The following DLGAP1 variants were observed in gnomAD, a reference collection of about 807,000 sequenced individuals.
The protein encoded by DLGAP1 is DLG associated protein 1.
DLGAP1 carries 11 observed loss-of-function variants against 90.8 expected under a neutral mutation model. The ratio of observed to expected loss-of-function variants is 0.12; its 90% CI spans 0.08 to 0.20. The LOEUF (loss-of-function observed/expected upper bound fraction) is 0.20. DLGAP1 is among the 10% of genes least tolerant of loss of function. The pLI is 1.00. For synonymous variants in DLGAP1, 558 were observed against 540.7 expected, an observed-to-expected ratio of 1.03 and a Z score of -0.44; for missense variants, 1,050 against 1,333.8, an observed-to-expected ratio of 0.79 and a Z score of 3.31.
intron 2 of DLGAP1, among the ~76,000 whole-genome samples, chr18:4,129,579 G>A (rs1437430479): frequency 6.6e-6 from 1 of 152,128 alleles, no homozygotes; most frequent in Non-Finnish European, 1.5e-5. Context: ...AGACTACAAG[G>A]AACACTGCGA....
At chr18:3,642,319 T>C (rs900374003) in intron 7 of DLGAP1, among the ~76,000 whole-genome samples, 22 of 152,234 alleles carry the variant, frequency 1.4e-4, no homozygotes, top group African/African-American at 4.8e-4. Flanking sequence ...AATGATCCAG[T>C]GAATACTTCC....
At chr18:3,569,021 G>C (rs2054608079) in intron 8 of DLGAP1, among the ~76,000 whole-genome samples, 1 of 150,064 alleles carries the variant, frequency 6.7e-6, no homozygotes, top group Non-Finnish European at 1.5e-5. Context: ...TTTTATTTTT[G>C]AGACAGAGTC....
intron 1 of DLGAP1, among the ~76,000 whole-genome samples, chr18:4,446,281 G>A (rs2083665463): frequency 6.6e-6 from 1 of 152,094 alleles, no homozygotes; most frequent in Admixed American, 6.5e-5. Flanking sequence ...TTGCTCTTTT[G>A]GGGGGCTCCA....
intron 10 of DLGAP1, among the ~76,000 whole-genome samples, chr18:3,525,156 T>G (rs949892208): frequency 6.6e-6 from 1 of 152,082 alleles, no homozygotes; most frequent in African/African-American, 2.4e-5. Context: ...ACTCAGCTAA[T>G]TTTAATTTTT....
At position 3,557,652 on chromosome 18, in the gene DLGAP1, G is replaced by A. The variant is rs572311714; in HGVS notation, c.2057+9838C>T. Among the ~76,000 whole-genome samples the A allele has an allele frequency of 3.3e-5, 5 of 152,290 alleles. No homozygotes were observed. In the South Asian group the frequency reaches 1.0e-3, roughly 32 times the overall value. On this transcript the variant is annotated intron_variant, in intron 9 of 12. Transcript: ENST00000315677. ...GGGAATTTCCAGCTATCCTTCTGTT[G>A]TTGATTTCTAGTTTAATTCTACTGT...
At chr18:4,343,048 C>T (rs1309801275) in intron 1 of DLGAP1, among the ~76,000 whole-genome samples, 1 of 152,114 alleles carries the variant, frequency 6.6e-6, no homozygotes, top group African/African-American at 2.4e-5. Flanking sequence ...TGGCTCATGC[C>T]TGTAATGCCA....
chr18:3,608,521 T>A (rs2057435073), intron 7 of DLGAP1, among the ~76,000 whole-genome samples: 2 of 152,220 alleles, frequency 1.3e-5, no homozygotes. Context: ...TTTGATTGGC[T>A]TGGCACTTAT....
chr18:4,123,171 G>A (rs985513754), intron 2 of DLGAP1, among the ~76,000 whole-genome samples: 5 of 152,156 alleles, frequency 3.3e-5, no homozygotes, highest in Non-Finnish European at 7.3e-5. Context: ...GAGGAGGGAA[G>A]CACCAGCCTA....
intron 2 of DLGAP1, among the ~76,000 whole-genome samples, chr18:4,042,881 A>G (rs570201753): frequency 1.3e-5 from 2 of 152,358 alleles, no homozygotes; most frequent in East Asian, 3.9e-4. Context: ...TTTTGGCTAA[A>G]CCAAATACTT....
intron 5 of DLGAP1, among the ~76,000 whole-genome samples, chr18:3,785,976 T>C (rs943004459): frequency 1.3e-5 from 2 of 152,204 alleles, no homozygotes; most frequent in Admixed American, 1.3e-4. Flanking sequence ...ATTTCTTGGC[T>C]GTGGCCCTTT....
At chr18:3,893,269 A>G (rs1018482096) in intron 3 of DLGAP1, among the ~76,000 whole-genome samples, 2 of 152,110 alleles carry the variant, frequency 1.3e-5, no homozygotes, top group African/African-American at 4.8e-5. Context: ...TGGTGTATAT[A>G]TACCACATTT....
chr18:3,625,056 C>T (rs1479720958), intron 7 of DLGAP1, among the ~76,000 whole-genome samples: 1 of 152,208 alleles, frequency 6.6e-6, no homozygotes, highest in Non-Finnish European at 1.5e-5. Flanking sequence ...CTGTCCTCCA[C>T]CCCTGCCAAG....
chr18:4,250,930 AC>A (rs1568471983), intron 1 of DLGAP1, among the ~76,000 whole-genome samples: 1 of 152,048 alleles, frequency 6.6e-6, no homozygotes, highest in African/African-American at 2.4e-5. Context: ...TTAAAAAAAA[AC>A]CCCACAAAAA....
intron 1 of DLGAP1, among the ~76,000 whole-genome samples, chr18:4,272,433 C>T (rs1005041397): frequency 6.6e-6 from 1 of 151,988 alleles, no homozygotes; most frequent in African/African-American, 2.4e-5. Flanking sequence ...AAATAGTATC[C>T]CTGAGCTAAA....
At chr18:3,862,620 G>C (rs1052836479) in intron 4 of DLGAP1, among the ~76,000 whole-genome samples, 1 of 152,194 alleles carries the variant, frequency 6.6e-6, no homozygotes, top group Non-Finnish European at 1.5e-5. Context: ...CCAGCACAAT[G>C]GCCAGCAGGT....
chr18:3,882,291 C>T (rs1321013270), intron 3 of DLGAP1, among the ~76,000 whole-genome samples: 1 of 151,882 alleles, frequency 6.6e-6, no homozygotes, highest in Non-Finnish European at 1.5e-5. Flanking sequence ...AATCCCAGCA[C>T]TTTGGGAGGC....
At chr18:4,091,125 T>C (rs572841721) in intron 2 of DLGAP1, among the ~76,000 whole-genome samples, 10 of 152,248 alleles carry the variant, frequency 6.6e-5, no homozygotes, top group African/African-American at 2.2e-4. Context: ...TCAGGACAAA[T>C]AGCTAATGCA....
At chr18:4,445,333 C>T (rs2083635265) in intron 1 of DLGAP1, among the ~76,000 whole-genome samples, 2 of 151,022 alleles carry the variant, frequency 1.3e-5, no homozygotes, top group South Asian at 4.2e-4. Flanking sequence ...TTTTAGGGTA[C>T]ATGTGCACCT....
At chr18:3,709,087 A>T (rs1004389291) in intron 7 of DLGAP1, among the ~76,000 whole-genome samples, 15 of 152,234 alleles carry the variant, frequency 9.9e-5, no homozygotes, top group African/African-American at 3.4e-4. Context: ...CTGGTTATAC[A>T]ACCGTGGAAA....
Sources: allele counts gnomAD v4.1 joint callset (sites outside exome capture counted in the v4.1 genomes callset), GRCh38; gene constraint gnomAD v4.1.1; transcripts MANE v1.5; gene names NCBI Gene and HGNC (gene_info 2026-07-23, HGNC 2026-07-21).